Variants in PCDHGA3 observed in about 807,000 individuals in gnomAD.
PCDHGA3 encodes the protein protocadherin gamma subfamily A, 3.
PCDHGA3 carries 40 observed loss-of-function variants against 58.5 expected under a neutral mutation model. The observed-to-expected ratio is 0.68, with a 90% CI of 0.53 to 0.89. The LOEUF (loss-of-function observed/expected upper bound fraction) is 0.89. Ranked by LOEUF, PCDHGA3 falls within the 40% of genes least tolerant of loss-of-function variation. PCDHGA3 has a pLI of 0.00. For synonymous variants in PCDHGA3, 530 were observed against 525.7 expected, an observed-to-expected ratio of 1.01 and a Z score of -0.11; for missense variants, 1,223 against 1,195.9, an observed-to-expected ratio of 1.02 and a Z score of -0.33.
At chr5:141,479,953 CAGTT>C (rs1198160373) in intron 1 of PCDHGA3, among the ~76,000 whole-genome samples, 1 of 152,182 alleles carries the variant, frequency 6.6e-6, no homozygotes, top group African/African-American at 2.4e-5. Flanking sequence ...TTGGATTTGG[CAGTT>C]AGTCAAATGA....
Position 141,394,604 on chromosome 5 carries a change from C to T in PCDHGA3, c.2424+48147C>T, listed in dbSNP as rs1589234871. On this transcript the variant is annotated intron_variant, in intron 1 of 3. Transcript: ENST00000253812. ...CCAAGGTGGTGGCGGTGGACAGAGA[C>T]TCGGGCCAGAACGCCTGGCTGTCCT... is the stretch of plus-strand genomic sequence containing the variant. 10 of 1,613,590 alleles carry T rather than the reference C, an allele frequency of 6.2e-6. No homozygotes were observed. The East Asian group carries it at 2.0e-4, about 32-fold the overall frequency.
chr5:141,408,933 G>C, intron 1 of PCDHGA3: 1 of 1,613,550 alleles, frequency 6.2e-7, no homozygotes, highest in South Asian at 1.1e-5. Context: ...GTTTTCAGCA[G>C]AGACGAATAT....
At chr5:141,428,727 A>G (rs1348450181) in intron 1 of PCDHGA3, 1 of 160,588 alleles carries the variant, frequency 6.2e-6, no homozygotes, top group Non-Finnish European at 1.4e-5. Context: ...AAAATCTTAA[A>G]CATATTATAT....
intron 1 of PCDHGA3, chr5:141,384,779 G>T (rs1252058358): frequency 6.2e-7 from 1 of 1,613,592 alleles, no homozygotes; most frequent in Non-Finnish European, 8.5e-7. Context: ...GGCGAGGTGC[G>T]CACGGCTCGG....
chr5:141,349,560 T>C (rs1208077730), intron 1 of PCDHGA3, among the ~76,000 whole-genome samples: 1 of 152,172 alleles, frequency 6.6e-6, no homozygotes, highest in Non-Finnish European at 1.5e-5. Context: ...AATAACATAA[T>C]AGTAAGGCTG....
At chr5:141,449,726 TTTTTTATGACATGATTA>T (rs2098653732) in intron 1 of PCDHGA3, among the ~76,000 whole-genome samples, 1 of 151,792 alleles carries the variant, frequency 6.6e-6, no homozygotes, top group Admixed American at 6.6e-5. Flanking sequence ...ATGATATGAT[TTTTTTATGACATGATTA>T]TTTTTATGAC....
At chr5:141,408,882 ACATAGAAATTTCTGTCAAG>A (rs745313321) in intron 1 of PCDHGA3, 50 of 1,613,286 alleles carry the variant, frequency 3.1e-5, no homozygotes, top group Non-Finnish European at 4.1e-5. Context: ...GCCACCGCTC[ACATAGAAATTTCTGTCAAG>A]GATACCAATG....
rs70988800 is a variant in PCDHGA3 at position 141,379,889 on chromosome 5, C to CTTTTTTTTTTTTTTTTTTTTTTTTTTTTT, written c.2424+33434_2424+33462dup. On this transcript the variant is annotated intron_variant, in intron 1 of 3. Coordinates refer to ENST00000253812, the MANE Select transcript of PCDHGA3 (RefSeq NM_018916.4). The stretch of plus-strand genomic sequence containing the variant: ...CTTATTTTATGGTCTGTGAAAGCCT[C>CTTTTTTTTTTTTTTTTTTTTTTTTTTTTT]TTTTTTTTTTTTTTTTTTTTTTTTT... Among the ~76,000 whole-genome samples the CTTTTTTTTTTTTTTTTTTTTTTTTTTTTT allele has an allele frequency of 3.3e-4, 17 of 50,832 alleles. 3 individuals are homozygous for CTTTTTTTTTTTTTTTTTTTTTTTTTTTTT. Among genetic ancestry groups the CTTTTTTTTTTTTTTTTTTTTTTTTTTTTT allele is most frequent in the Non-Finnish European group, 5.0e-4 (13 of 25,882 alleles). 33.3% of individuals were successfully genotyped at this position (50,832 alleles called of 152,430 possible).
intron 1 of PCDHGA3, chr5:141,370,727 A>G: frequency 6.2e-7 from 1 of 1,613,856 alleles, no homozygotes; most frequent in Non-Finnish European, 8.5e-7. Context: ...TGGTTGCTGA[A>G]AAGCCTTTAA....
At chr5:141,498,352 C>T (rs1439698389) in intron 2 of PCDHGA3, among the ~76,000 whole-genome samples, 1 of 151,772 alleles carries the variant, frequency 6.6e-6, no homozygotes, top group Non-Finnish European at 1.5e-5. Flanking sequence ...AAAGCCTATG[C>T]AAAAGCCTTG....
chr5:141,421,611 T>C lies in PCDHGA3; in HGVS notation c.2425-73196T>C, dbSNP rs747573417. 6.8e-6 allele frequency: 11 copies of C among 1,613,694 alleles called. No homozygotes were observed. The African/African-American group carries it at 1.3e-4, about 20-fold the overall frequency. On this transcript the variant is annotated intron_variant, in intron 1 of 3. Transcript: ENST00000253812. ...TGGAGGTGGAAATAATAGATATTAA[T>C]GATAACGCCCCCAGCTTCCAGGAGG...
intron 3 of PCDHGA3, among the ~76,000 whole-genome samples, chr5:141,509,004 G>A (rs2099873761): frequency 6.6e-6 from 1 of 152,072 alleles, no homozygotes; most frequent in South Asian, 2.1e-4. Context: ...AGGAGAGGAG[G>A]AAGTGGGCAG....
At chr5:141,364,659 T>G in intron 1 of PCDHGA3, 1 of 1,614,020 alleles carries the variant, frequency 6.2e-7, no homozygotes, top group Non-Finnish European at 8.5e-7. Flanking sequence ...AACATCTTGG[T>G]TGAGAACAAA....
chr5:141,431,965 T>C lies in PCDHGA3; in HGVS notation c.2425-62842T>C, dbSNP rs765281339. The C allele has an allele frequency of 4.0e-5, 64 of 1,614,098 alleles. No homozygotes were observed. In the East Asian group the frequency reaches 4.9e-4, roughly 12 times the overall value. On this transcript the variant is annotated intron_variant, in intron 1 of 3. Transcript: ENST00000253812. This position sits in a 1 kb window ranked among gnomAD's most constrained non-coding sequence, Gnocchi z 4.8. Reference sequence around the variant, plus strand: ...TAGAAAAATCTTACGGAAATTACTATAGTTTAGTCACAGACATAGTCTTGG... The same window carrying C: ...TAGAAAAATCTTACGGAAATTACTACAGTTTAGTCACAGACATAGTCTTGG...
At chr5:141,453,959 C>A (rs919037104) in intron 1 of PCDHGA3, among the ~76,000 whole-genome samples, 1 of 152,182 alleles carries the variant, frequency 6.6e-6, no homozygotes, top group African/African-American at 2.4e-5. Flanking sequence ...GCACAGACAG[C>A]AAAGCATGTA....
intron 2 of PCDHGA3, 114 bp from the exon 3 acceptor site, chr5:141,505,279 C>A (rs780513022): frequency 1.3e-6 from 2 of 1,541,274 alleles, no homozygotes; most frequent in Non-Finnish European, 1.7e-6. Flanking sequence ...AGAAACAGGT[C>A]TTGGGCATGG....
intron 1 of PCDHGA3, chr5:141,423,748 T>TG: frequency 7.2e-6 from 2 of 278,014 alleles, no homozygotes; most frequent in Admixed American, 4.2e-4. Flanking sequence ...ATGAAAACTG[T>TG]TTGGGGGGGG....
Position 141,491,687 on chromosome 5 carries a change from G to A in PCDHGA3, c.2425-3120G>A. On this transcript the variant is annotated intron_variant, in intron 1 of 3. Transcript: ENST00000253812. This position sits in a 1 kb window ranked among gnomAD's most constrained non-coding sequence, Gnocchi z 6.9. Reference sequence around the variant, plus strand: ...ATCCGGTCCCGCTCTAATACGCTGCGGGAGCGGAGCCAGGTGAGGGGCTCG... The same window carrying A: ...ATCCGGTCCCGCTCTAATACGCTGCAGGAGCGGAGCCAGGTGAGGGGCTCG... The A allele has an allele frequency of 6.2e-7, 1 of 1,613,072 alleles. No homozygotes were observed. The highest frequency in any genetic ancestry group is 8.5e-7 in the Non-Finnish European group (1 of 1,179,608).
intron 1 of PCDHGA3, chr5:141,357,380 C>T: frequency 6.2e-7 from 1 of 1,614,194 alleles, no homozygotes; most frequent in South Asian, 1.1e-5. Context: ...CTGCTTCACG[C>T]TGAAGGCAGC....
Sources: gnomAD v4.1 joint callset for allele counts (sites outside exome capture counted in the v4.1 genomes callset) on GRCh38, gnomAD v4.1.1 for gene constraint, Gnocchi (gnomAD v3.1) non-coding constraint, MANE v1.5 for transcripts, NCBI Gene and HGNC (gene_info 2026-07-23, HGNC 2026-07-21) for gene names.